CLIP1: variants seen among roughly 807,000 people sequenced by gnomAD.
CLIP1 encodes the protein CAP-Gly domain-containing linker protein 1.
Under a neutral mutation model 161.6 loss-of-function variants are expected in CLIP1, and 66 were observed. That is an observed-to-expected ratio of 0.41 (90% CI 0.33 to 0.50). The LOEUF (loss-of-function observed/expected upper bound fraction) is 0.50. Ranked by LOEUF, CLIP1 falls within the 20% of genes least tolerant of loss-of-function variation. The pLI is 0.27. For missense variants in CLIP1, 1,376 were observed against 1,702.0 expected, an observed-to-expected ratio of 0.81 and a Z score of 3.37; for synonymous variants, 598 against 626.2, an observed-to-expected ratio of 0.96 and a Z score of 0.67.
At chr12:122,337,445 CAAAAA>C (rs1163606204) in intron 11 of CLIP1, among the ~76,000 whole-genome samples, 1 of 70,936 alleles carries the variant, frequency 1.4e-5, no homozygotes. Flanking sequence ...GACTCTGCCT[CAAAAA>C]AAAAAAAAAA....
chr12:122,376,045 T>A (rs1375092814), intron 3 of CLIP1, among the ~76,000 whole-genome samples: 1 of 152,040 alleles, frequency 6.6e-6, no homozygotes, highest in Non-Finnish European at 1.5e-5. Flanking sequence ...TTTAAGTGAT[T>A]CTCCTGCCTA....
intron 20 of CLIP1, among the ~76,000 whole-genome samples, chr12:122,304,786 G>A (rs183196034): frequency 5.3e-5 from 8 of 152,310 alleles, no homozygotes; most frequent in African/African-American, 1.9e-4. Flanking sequence ...CAGAGTCTGT[G>A]ATCCAGCTTC....
At chr12:122,390,319 T>TATATATATATATA (rs1955600901) in intron 1 of CLIP1, among the ~76,000 whole-genome samples, 1 of 135,280 alleles carries the variant, frequency 7.4e-6, no homozygotes, top group Non-Finnish European at 1.6e-5. Context: ...TATATATATA[T>TATATATATATATA]TATTTTTTTT....
intron 20 of CLIP1, among the ~76,000 whole-genome samples, chr12:122,292,284 T>C (rs1950280864): frequency 6.6e-6 from 1 of 152,104 alleles, no homozygotes; most frequent in South Asian, 2.1e-4. Flanking sequence ...ATTACAGGTG[T>C]GAGCCACTAC....
Position 122,377,657 on chromosome 12 carries a change from G to A in CLIP1, c.389C>T (p.Ala130Val), listed in dbSNP as rs2136789592. 1.2e-6 allele frequency: 2 copies of A among 1,613,696 alleles called. No homozygotes were observed. The highest frequency in any genetic ancestry group is 1.7e-6 in the Non-Finnish European group (2 of 1,180,000). ...CTGCAGGCCATTAGCTTCATCTTCT[G>A]CTTGCACCTTCCTTGTTAACTTTGA... ...RPSKLTRKVQ[A>V]EDEANGLQTT... The change falls in exon 3 of 26, where the codon GCA (alanine) becomes GTA (valine). Residue 130 changes from alanine to valine, a missense_variant. Around this residue, in one of 6 missense-constraint regions of CLIP1, gnomAD observed 119 missense variants for 112.0 expected, o/e 1.06. Transcript: ENST00000620786.
chr12:122,390,267 C>CAT (rs1202631168), intron 1 of CLIP1, among the ~76,000 whole-genome samples: 33 of 71,294 alleles, frequency 4.6e-4, no homozygotes, highest in Admixed American at 7.9e-4. Context: ...TATACACACA[C>CAT]ATATATATAT....
intron 1 of CLIP1, 40 bp from the exon 2 acceptor site, chr12:122,380,598 G>A: frequency 2.0e-6 from 1 of 488,920 alleles, no homozygotes; most frequent in Non-Finnish European, 3.6e-6. Context: ...ATAATCTACA[G>A]GAGCAAGTAG....
chr12:122,373,617 T>C (rs769835721), intron 3 of CLIP1, among the ~76,000 whole-genome samples: 3 of 152,090 alleles, frequency 2.0e-5, no homozygotes, highest in African/African-American at 4.8e-5. Context: ...CAATATCTAT[T>C]AACAATTTTA....
Position 122,333,160 on chromosome 12 carries a change from A to G in CLIP1, c.2711-17T>C, listed in dbSNP as rs751741622. 22 of 1,591,966 alleles carry G rather than the reference A, an allele frequency of 1.4e-5. No homozygotes were observed. The highest frequency in any genetic ancestry group is 6.8e-5 in the Admixed American group (4 of 58,550). On this transcript the variant is annotated splice_polypyrimidine_tract_variant and intron_variant, in intron 14 of 25. Coordinates refer to ENST00000620786, the MANE Select transcript of CLIP1 (RefSeq NM_001247997.2). ...CCTCCATATCTAAATATATAGAGAA[A>G]AAAAGAATAGCACGGCTGTGTTATA...
rs1555257817 is a variant in CLIP1, at chr12:122,294,337, A to AAC, written c.3595-5797_3595-5796insGT. Among the ~76,000 whole-genome samples, 5 of 142,994 alleles carry AAC rather than the reference A, an allele frequency of 3.5e-5. No homozygotes were observed. In the East Asian group the frequency reaches 9.9e-4, roughly 28 times the overall value. The allele number at this position is 142,994 out of a possible 152,430, so 93.8% of individuals were successfully genotyped here. A position where few individuals can be genotyped will look rare whatever the true frequency, so the allele number is the denominator to read the frequency against. On this transcript the variant is annotated intron_variant, in intron 20 of 25. Transcript: ENST00000620786. The stretch of plus-strand genomic sequence containing the variant: ...GTGCAAGACTCTGTCTCAAAAAAAA[A>AAC]AAAAAACAAAAAAAAAAACCCCAAA...
intron 3 of CLIP1, chr12:122,365,333 C>A: frequency 1.1e-6 from 1 of 938,122 alleles, no homozygotes. Flanking sequence ...GTTACCATGG[C>A]AAAAGTGGAA....
chr12:122,312,705 A>T (rs1237041179), intron 19 of CLIP1, among the ~76,000 whole-genome samples: 4 of 152,140 alleles, frequency 2.6e-5, no homozygotes, highest in African/African-American at 4.8e-5. Flanking sequence ...TGGTGGCTGC[A>T]GTGAGCTGAG....
chr12:122,371,012 A>G (rs1954425752), intron 3 of CLIP1, among the ~76,000 whole-genome samples: 1 of 152,156 alleles, frequency 6.6e-6, no homozygotes, highest in African/African-American at 2.4e-5. Flanking sequence ...GGGGTTGATA[A>G]AATGCAGAAT....
Position 122,366,813 on chromosome 12 carries a change from C to T in CLIP1, c.658-2706G>A, listed in dbSNP as rs146609034. On this transcript the variant is annotated intron_variant, in intron 3 of 25. Coordinates refer to ENST00000620786, the MANE Select transcript of CLIP1 (RefSeq NM_001247997.2). ...CCAAGACTGTGCCAATGTACTCCAGCCTGGGTGACAGAGTGAGACCTTGTC... is the reference window on the plus strand; with the variant it reads ...CCAAGACTGTGCCAATGTACTCCAGTCTGGGTGACAGAGTGAGACCTTGTC... 3.2e-4 allele frequency among the ~76,000 whole-genome samples: 48 copies of T among 152,274 alleles called. No individual in the cohort carries two copies. In the East Asian group the frequency reaches 8.9e-3, roughly 28 times the overall value.
chr12:122,282,067 G>A (rs1275446149), intron 21 of CLIP1, among the ~76,000 whole-genome samples: 2 of 152,186 alleles, frequency 1.3e-5, no homozygotes, highest in African/African-American at 4.8e-5. Flanking sequence ...CAGCCTGGCT[G>A]CTTTCTAAGG....
intron 11 of CLIP1, among the ~76,000 whole-genome samples, chr12:122,339,968 T>C (rs1428142314): frequency 6.6e-6 from 1 of 152,198 alleles, no homozygotes; most frequent in Non-Finnish European, 1.5e-5. Context: ...GATACCATAT[T>C]ACAATCTTAT....
At chr12:122,377,338 G>A (rs758854121) in intron 3 of CLIP1, 51 bp downstream of exon 3, 35 of 1,499,530 alleles carry the variant, frequency 2.3e-5, no homozygotes, top group Middle Eastern at 1.7e-4. Context: ...CCACTCACTG[G>A]TGTTTATATC....
At chr12:122,381,724 T>TG (rs760742783) in intron 1 of CLIP1, among the ~76,000 whole-genome samples, 82 of 152,318 alleles carry the variant, frequency 5.4e-4, no homozygotes, top group Non-Finnish European at 9.4e-4. Flanking sequence ...CGCCAGCCAC[T>TG]GGCAAAGAAT....
chr12:122,328,180 G>T lies in CLIP1; in HGVS notation c.3034-18C>A. The T allele has an allele frequency of 6.2e-7, 1 of 1,613,632 alleles. No individual in the cohort carries two copies. Among genetic ancestry groups the T allele is most frequent in the South Asian group, 1.1e-5 (1 of 91,058 alleles). ...TTCTTTTCCTGCAGAGACCCCGAAT[G>T]AGGGAATGAGTCATCTGCCCATGCG... On this transcript the variant is annotated intron_variant, in intron 16 of 25. Transcript: ENST00000620786.
Sources: allele counts gnomAD v4.1 joint callset (sites outside exome capture counted in the v4.1 genomes callset), GRCh38; gene constraint gnomAD v4.1.1; regional missense constraint gnomAD v4.1.1; transcripts MANE v1.5; gene names NCBI Gene and HGNC (gene_info 2026-07-23, HGNC 2026-07-21).